Variants in NR4A1 observed in about 807,000 individuals in gnomAD.
The protein encoded by NR4A1 is nuclear receptor subfamily 4immunitygroup A member 1.
Under a neutral mutation model 47.5 loss-of-function variants are expected in NR4A1, and 24 were observed. The ratio of observed to expected loss-of-function variants is 0.50; its 90% CI spans 0.37 to 0.71. The LOEUF is 0.71. Among genes scored for constraint, NR4A1 ranks in the 30% least tolerant of loss-of-function variants. NR4A1 has a pLI of 0.00. For missense variants in NR4A1, 669 were observed against 788.6 expected, an observed-to-expected ratio of 0.85 and a Z score of 1.82; for synonymous variants, 353 against 345.7, an observed-to-expected ratio of 1.02 and a Z score of -0.24.
intron 1 of NR4A1, among the ~76,000 whole-genome samples, chr12:52,024,073 C>A (rs1937950249): frequency 6.6e-6 from 1 of 152,212 alleles, no homozygotes; most frequent in African/African-American, 2.4e-5. Context: ...GGCTTCCTTT[C>A]CTGTGAAATG....
intron 1 of NR4A1, chr12:52,037,785 G>A (rs1022011035): frequency 2.0e-6 from 2 of 985,380 alleles, no homozygotes; most frequent in Admixed American, 1.2e-4. Flanking sequence ...CAGCCGGGAG[G>A]GACCGATGCT....
intron 4 of NR4A1, 23 bp downstream of exon 4, chr12:52,056,668 C>T (rs1443566240): frequency 6.5e-7 from 1 of 1,548,226 alleles, no homozygotes; most frequent in South Asian, 1.2e-5. Flanking sequence ...CCCGTGTCTG[C>T]CTTGGGGAGG....
upstream of NR4A1, among the ~76,000 whole-genome samples, chr12:52,049,865 G>A (rs1294711064): frequency 1.3e-5 from 2 of 152,162 alleles, no homozygotes; most frequent in Admixed American, 6.5e-5. Context: ...GGGCAGAAGC[G>A]GGGGCTGGAG....
At chr12:52,031,835 A>T (rs1938133653) in intron 1 of NR4A1, among the ~76,000 whole-genome samples, 2 of 140,380 alleles carry the variant, frequency 1.4e-5, no homozygotes, top group Admixed American at 1.5e-4. Flanking sequence ...GCTGGAGCGC[A>T]GTGACGCAAT....
At position 52,038,778 on chromosome 12, in the gene NR4A1, T is replaced by G. The variant is rs1565641993; in HGVS notation, c.-83-3032T>G. On this transcript the variant is annotated intron_variant, in intron 1 of 7. Transcript: ENST00000360284. ...ACTGGGCAGAAGGATGGGCCGAGAT[T>G]AACGGTGTGAATGTGACTGACGATT... 4 of 763,310 alleles carry G rather than the reference T, an allele frequency of 5.2e-6. No homozygotes were observed. In the Admixed American group the frequency reaches 6.8e-5, roughly 13 times the overall value. 47.3% of individuals were successfully genotyped at this position (763,310 alleles called of 1,614,324 possible). A position where few individuals can be genotyped will look rare whatever the true frequency, so the allele number is the denominator to read the frequency against.
chr12:52,055,797 G>A (rs1939229886), intron 2 of NR4A1: 2 of 433,768 alleles, frequency 4.6e-6, no homozygotes, highest in African/African-American at 2.0e-5. Flanking sequence ...CCAGTAGTGT[G>A]TCCTGGGGAC....
chr12:52,045,312 T>C (rs1299384777), intron 2 of NR4A1, among the ~76,000 whole-genome samples: 4 of 152,234 alleles, frequency 2.6e-5, no homozygotes, highest in Non-Finnish European at 5.9e-5. Flanking sequence ...TGCAGGCTGC[T>C]GTGGTTGTCC....
chr12:52,033,583 AAGT>A (rs1162725176), intron 1 of NR4A1, among the ~76,000 whole-genome samples: 1 of 152,154 alleles, frequency 6.6e-6, no homozygotes, highest in Non-Finnish European at 1.5e-5. Context: ...CATGGCAACT[AAGT>A]AGAGCAAACG....
chr12:52,041,986 A>G, intron 2 of NR4A1: 2 of 1,221,028 alleles, frequency 1.6e-6, no homozygotes, highest in Non-Finnish European at 2.1e-6. Flanking sequence ...GTTGGGGGGC[A>G]GAGGTGGGGG....
chr12:52,043,196 A>G (rs1317789470), intron 2 of NR4A1, among the ~76,000 whole-genome samples: 1 of 152,118 alleles, frequency 6.6e-6, no homozygotes, highest in East Asian at 1.9e-4. Flanking sequence ...GAATTACTGT[A>G]AGGGGGAGAG....
At position 52,055,061 on chromosome 12, in the gene NR4A1, A is replaced by G. The variant is rs1939186235; in HGVS notation, c.733A>G (p.Ile245Val). The G allele has an allele frequency of 6.2e-7, 1 of 1,614,158 alleles. No homozygotes were observed. The highest frequency in any genetic ancestry group is 8.5e-7 in the Non-Finnish European group (1 of 1,180,032). Reference sequence around the variant, plus strand: ...TTCTCCACACCTTGAGGGCTCGGGGATACTGGATACACCCGTGACCTCAAC... The same window carrying G: ...TTCTCCACACCTTGAGGGCTCGGGGGTACTGGATACACCCGTGACCTCAAC... ...PTSPHLEGSG[I>V]LDTPVTSTKA... The change falls in exon 2 of 7, where the codon ATA (isoleucine) becomes GTA (valine). Residue 245 changes from isoleucine (I) to valine (V), a missense_variant. Coordinates refer to ENST00000394825, the MANE Select transcript of NR4A1 (RefSeq NM_173157.3).
Position 52,055,122 on chromosome 12 carries a change from G to C in NR4A1, c.794G>C (p.Gly265Ala), listed in dbSNP as rs1425738013. Reference sequence around the variant, plus strand: ...AGCGGGGCCCCAGGTGGAAGTGAAGGCCGCTGTGCTGTGTGTGGGGACAAC... The same window carrying C: ...AGCGGGGCCCCAGGTGGAAGTGAAGCCCGCTGTGCTGTGTGTGGGGACAAC... ...ARSGAPGGSE[G>A]RCAVCGDNAS... The change falls in exon 2 of 7, where the codon GGC (glycine) becomes GCC (alanine). Residue 265 changes from glycine (G) to alanine (A), a missense_variant. Gly to Ala is a moderately conservative substitution (Grantham distance 60). Transcript: ENST00000394825. 6.2e-7 allele frequency: 1 copy of C among 1,614,082 alleles called. No homozygotes were observed. The highest frequency in any genetic ancestry group is 8.5e-7 in the Non-Finnish European group (1 of 1,180,064).
In NR4A1 at chr12:52,057,476, T is replaced by C. The variant is rs1418425154; in HGVS notation, c.1486T>C (p.Leu496=). Residue 496 remains leucine (L), a synonymous_variant, in exon 6 of 7, where the codon TTG becomes CTG. Transcript: ENST00000394825. ...ILAFSRSLHS[L]LVDVPAFACL... Reference sequence around the variant, plus strand: ...GGCCTTCTCAAGGTCCCTGCACAGCTTGCTTGTCGATGTCCCTGCCTTCGC... The same window carrying C: ...GGCCTTCTCAAGGTCCCTGCACAGCCTGCTTGTCGATGTCCCTGCCTTCGC... 6.2e-7 allele frequency: 1 copy of C among 1,614,104 alleles called. No homozygotes were observed. The highest frequency in any genetic ancestry group is 8.5e-7 in the Non-Finnish European group (1 of 1,180,054).
At chr12:52,039,922 C>A (rs1798625145) in intron 1 of NR4A1, among the ~76,000 whole-genome samples, 1 of 152,128 alleles carries the variant, frequency 6.6e-6, no homozygotes, top group African/African-American at 2.4e-5. Context: ...AGAGAAGGCC[C>A]ACGTGATGGG....
intron 1 of NR4A1, among the ~76,000 whole-genome samples, chr12:52,032,977 C>A (rs1049773428): frequency 6.6e-6 from 1 of 152,222 alleles, no homozygotes; most frequent in African/African-American, 2.4e-5. Context: ...TGCAGCAGAC[C>A]CGAAGGAAGC....
chr12:52,029,858 G>A (rs1938082244), intron 1 of NR4A1, among the ~76,000 whole-genome samples: 1 of 152,184 alleles, frequency 6.6e-6, no homozygotes, highest in South Asian at 2.1e-4. Context: ...GGTAACCAGA[G>A]CTGGCTCCCC....
chr12:52,048,303 G>A (rs527547949), upstream of NR4A1, among the ~76,000 whole-genome samples: 2 of 150,110 alleles, frequency 1.3e-5, no homozygotes, highest in Admixed American at 6.6e-5. Context: ...ATTAAAATTG[G>A]TTTTATTTTG....
upstream of NR4A1, among the ~76,000 whole-genome samples, chr12:52,047,151 T>C (rs755486611): frequency 6.6e-6 from 1 of 152,204 alleles, no homozygotes; most frequent in Non-Finnish European, 1.5e-5. Context: ...TCTCTCATTA[T>C]TACCTGTTCC....
chr12:52,031,572 G>T (rs1374929913), intron 1 of NR4A1, among the ~76,000 whole-genome samples: 1 of 151,604 alleles, frequency 6.6e-6, no homozygotes, highest in East Asian at 2.0e-4. Flanking sequence ...GGGAGGCAGA[G>T]GTTGCAGTGA....
Sources: gnomAD v4.1 joint callset for allele counts (sites outside exome capture counted in the v4.1 genomes callset) on GRCh38, gnomAD v4.1.1 for gene constraint, MANE v1.5 for transcripts, NCBI Gene and HGNC (gene_info 2026-07-23, HGNC 2026-07-21) for gene names.